MPPED2: variants seen among roughly 807,000 people sequenced by gnomAD.
MPPED2 encodes the protein metallophosphoesterase MPPED2.
In MPPED2, 5 loss-of-function variants were observed where a neutral mutation model predicts 33.0. The ratio of observed to expected loss-of-function variants is 0.15; its 90% CI spans 0.08 to 0.32. MPPED2 has a LOEUF of 0.32. MPPED2 is among the 10% of genes least tolerant of loss of function. The probability of loss-of-function intolerance (pLI) is 1.00; values close to 1 mark genes in which losing one functional copy is unlikely to be tolerated. For missense variants in MPPED2, 275 were observed against 372.1 expected (o/e 0.74, Z 2.15); for synonymous variants, 136 against 141.9 (o/e 0.96, Z 0.29).
At chr11:30,545,508 A>G (rs1955366472) in intron 2 of MPPED2, among the ~76,000 whole-genome samples, 1 of 152,292 alleles carries the variant, frequency 6.6e-6, no homozygotes, top group African/African-American at 2.4e-5. Flanking sequence ...ACTGATCAGG[A>G]CACGAACATC....
chr11:30,410,338 G>T lies in MPPED2; in HGVS notation c.*1130C>A. 1.0e-5 allele frequency: 10 copies of T among 985,512 alleles called. No homozygotes were observed. Among genetic ancestry groups the T allele is most frequent in the Non-Finnish European group, 1.2e-5 (10 of 829,714 alleles). 61.0% of individuals were successfully genotyped at this position (985,512 alleles called of 1,614,324 possible). A position where few individuals can be genotyped will look rare whatever the true frequency, so the allele number is the denominator to read the frequency against. Reference sequence around the variant, plus strand: ...TTCATTAACAAAGTAACATAAAATAGAATAAAGCTCAACAGCATTTACAAT... The same window carrying T: ...TTCATTAACAAAGTAACATAAAATATAATAAAGCTCAACAGCATTTACAAT... On this transcript the variant is annotated 3_prime_UTR_variant, in exon 7 of 7. Transcript: ENST00000358117.
intron 3 of MPPED2, among the ~76,000 whole-genome samples, chr11:30,532,418 T>C (rs1954579864): frequency 6.6e-6 from 1 of 152,194 alleles, no homozygotes; most frequent in Non-Finnish European, 1.5e-5. Context: ...CTTTACACTC[T>C]GGATCCCTCT....
At chr11:30,487,561 A>G (rs1431434071) in intron 4 of MPPED2, among the ~76,000 whole-genome samples, 4 of 151,926 alleles carry the variant, frequency 2.6e-5, no homozygotes, top group African/African-American at 9.7e-5. Context: ...GGCTCATTGC[A>G]ACATCGACCT....
At chr11:30,391,049 T>C (rs185985253) in intron 6 of MPPED2, among the ~76,000 whole-genome samples, 302 of 152,188 alleles carry the variant, frequency 2.0e-3, no homozygotes, top group African/African-American at 6.9e-3. Context: ...GCCTGGATCC[T>C]GGAATGGAAA....
chr11:30,497,129 A>G (rs993832723), intron 3 of MPPED2, among the ~76,000 whole-genome samples: 6 of 152,212 alleles, frequency 3.9e-5, no homozygotes, highest in Non-Finnish European at 8.8e-5. Flanking sequence ...GAAGAGTTCA[A>G]AAAAGAATAG....
intron 5 of MPPED2, 45 bp downstream of exon 5, chr11:30,417,473 A>T (rs772703095): frequency 8.9e-7 from 1 of 1,121,140 alleles, no homozygotes; most frequent in South Asian, 1.3e-5. Context: ...TATGCCTGGA[A>T]AAAAAGGCAT....
chr11:30,464,326 A>G (rs376289256), intron 4 of MPPED2, among the ~76,000 whole-genome samples: 10 of 151,506 alleles, frequency 6.6e-5, no homozygotes, highest in East Asian at 5.8e-4. Context: ...TCTACATTTC[A>G]ATTTTAAAAA....
chr11:30,444,669 C>T (rs1012795551), intron 4 of MPPED2, among the ~76,000 whole-genome samples: 1 of 152,078 alleles, frequency 6.6e-6, no homozygotes, highest in Non-Finnish European at 1.5e-5. Flanking sequence ...AATCTTGCTC[C>T]TTTCTACGTT....
chr11:30,483,432 A>G (rs1320783645), intron 4 of MPPED2, among the ~76,000 whole-genome samples: 7 of 152,214 alleles, frequency 4.6e-5, no homozygotes, highest in East Asian at 1.9e-4. Context: ...GAACCCTATG[A>G]GTTTTTAAAA....
chr11:30,509,549 T>C (rs377378170), intron 3 of MPPED2, among the ~76,000 whole-genome samples: 2 of 152,284 alleles, frequency 1.3e-5, no homozygotes, highest in East Asian at 3.9e-4. Flanking sequence ...ACAGCTGGCT[T>C]TGCAGAGGCC....
At chr11:30,429,642 C>T (rs1007029853) in intron 4 of MPPED2, among the ~76,000 whole-genome samples, 11 of 152,262 alleles carry the variant, frequency 7.2e-5, no homozygotes, top group South Asian at 4.1e-4. Flanking sequence ...TCTGGCAGGG[C>T]GCTCTGGGGA....
chr11:30,580,575 C>T (rs1590938185), intron 1 of MPPED2, 81 bp from the exon 2 acceptor site: 1 of 1,320,128 alleles, frequency 7.6e-7, no homozygotes, highest in Non-Finnish European at 9.9e-7. Context: ...AACATCTAGA[C>T]ATGAAACTAG....
chr11:30,449,144 C>T (rs1326582247), intron 4 of MPPED2, among the ~76,000 whole-genome samples: 2 of 151,998 alleles, frequency 1.3e-5, no homozygotes, highest in Admixed American at 6.6e-5. Flanking sequence ...CTATCAAACA[C>T]AGTGCCTGGA....
At chr11:30,424,097 G>A (rs1948730928) in intron 4 of MPPED2, among the ~76,000 whole-genome samples, 1 of 152,226 alleles carries the variant, frequency 6.6e-6, no homozygotes, top group African/African-American at 2.4e-5. Flanking sequence ...CCTGTGGAAT[G>A]CAAGAGCACA....
At chr11:30,465,212 G>A (rs926828961) in intron 4 of MPPED2, among the ~76,000 whole-genome samples, 1 of 152,146 alleles carries the variant, frequency 6.6e-6, no homozygotes, top group African/African-American at 2.4e-5. Context: ...TAAAACAATT[G>A]GAAATAGTTA....
chr11:30,414,494 T>C (rs1948251635), intron 5 of MPPED2, among the ~76,000 whole-genome samples, 153 bp from the exon 6 acceptor site: 1 of 152,206 alleles, frequency 6.6e-6, no homozygotes, highest in Non-Finnish European at 1.5e-5. Context: ...TAAGAAACTT[T>C]TCACTCGTCA....
chr11:30,405,909 C>G (rs1404025723), downstream of MPPED2, among the ~76,000 whole-genome samples: 1 of 152,042 alleles, frequency 6.6e-6, no homozygotes, highest in African/African-American at 2.4e-5. Context: ...GAATCTGAGG[C>G]TGAGAGAAAT....
chr11:30,527,066 C>T (rs567027895), intron 3 of MPPED2, among the ~76,000 whole-genome samples: 44 of 151,958 alleles, frequency 2.9e-4, no homozygotes, highest in African/African-American at 9.6e-4. Flanking sequence ...GCTGGGACTA[C>T]AGGCGCCCAC....
chr11:30,570,797 A>G (rs1385786345), intron 2 of MPPED2, among the ~76,000 whole-genome samples: 1 of 152,206 alleles, frequency 6.6e-6, no homozygotes, highest in Non-Finnish European at 1.5e-5. Flanking sequence ...AAGGTTTGAA[A>G]CTTGGTCCTT....
Sources: allele counts gnomAD v4.1 joint callset (sites outside exome capture counted in the v4.1 genomes callset), GRCh38; gene constraint gnomAD v4.1.1; transcripts MANE v1.5; gene names NCBI Gene and HGNC (gene_info 2026-07-23, HGNC 2026-07-21).